The following ITSN1 variants were observed in gnomAD, a reference collection of about 807,000 sequenced individuals.
ITSN1 encodes intersectin 1, also known as intersectin-1.
ITSN1 carries 58 observed loss-of-function variants against 239.8 expected under a neutral mutation model. That is an observed-to-expected ratio of 0.24 (90% confidence interval 0.20 to 0.30). The LOEUF (loss-of-function observed/expected upper bound fraction) is 0.30. Among genes scored for constraint, ITSN1 ranks in the 10% least tolerant of loss-of-function variants. ITSN1 has a pLI of 1.00. For synonymous variants in ITSN1, 780 were observed against 770.8 expected, an observed-to-expected ratio of 1.01 and a Z score of -0.20; for missense variants, 1,558 against 2,103.3, an observed-to-expected ratio of 0.74 and a Z score of 5.07.
At chr21:33,705,747 A>G (rs1384412034) in intron 1 of ITSN1, among the ~76,000 whole-genome samples, 2 of 152,138 alleles carry the variant, frequency 1.3e-5, no homozygotes, top group Admixed American at 6.5e-5. Context: ...TGCTTAATCT[A>G]AAATATACTC....
Position 33,755,336 on chromosome 21 carries a change from A to G in ITSN1, c.663A>G (p.Ser221=). The G allele has an allele frequency of 6.2e-7, 1 of 1,611,802 alleles. No homozygotes were observed. Residue 221 remains serine (S), a synonymous_variant, in exon 8 of 40, where the codon TCA becomes TCG. Coordinates refer to ENST00000381318, the MANE Select transcript of ITSN1 (RefSeq NM_003024.3). ...PVAEWAVPQS[S]RLKYRQLFNS... ...CAGAGTGGGCTGTTCCTCAGTCATC[A>G]AGACTGAAATACAGGCAATTATTCA...
At position 33,882,021 on chromosome 21, in the gene ITSN1, G is replaced by A. The variant is rs982672538; in HGVS notation, c.4342-222G>A. 5.3e-5 allele frequency among the ~76,000 whole-genome samples: 8 copies of A among 151,134 alleles called. No homozygotes were observed. The highest frequency in any genetic ancestry group is 1.7e-4 in the African/African-American group (7 of 41,040). On this transcript the variant is annotated intron_variant, in intron 34 of 39. Coordinates refer to ENST00000381318, the MANE Select transcript of ITSN1 (RefSeq NM_003024.3). The surrounding 1 kb of genome is among the most constrained non-coding windows in gnomAD (Gnocchi z 4.5). ...ACACTGGCATGCTCCTAGAGGAAAA[G>A]CCTTAGAAATTACCATTGAGACTCT...
At chr21:33,658,625 G>C (rs1041392558) in intron 1 of ITSN1, among the ~76,000 whole-genome samples, 1 of 152,318 alleles carries the variant, frequency 6.6e-6, no homozygotes. Context: ...CTGGCTGCAT[G>C]ACTGTACCTA....
rs1170863122 is a variant in ITSN1, at chr21:33,751,889, G to A, written c.606G>A (p.Gln202=). ...SQLNTKLQKA[Q]SFDVASVPPV... The stretch of plus-strand genomic sequence containing the variant: ...TAAACACTAAATTACAAAAGGCACA[G>A]TCATTTGATGTGGCCAGGTAAGTTT... Residue 202 remains glutamine (Q), a synonymous_variant, in exon 7 of 40, where the codon CAG becomes CAA. Transcript: ENST00000381318. The A allele has an allele frequency of 5.0e-6, 8 of 1,612,458 alleles. No individual in the cohort carries two copies. The highest frequency in any genetic ancestry group is 6.8e-6 in the Non-Finnish European group (8 of 1,178,546).
intron 27 of ITSN1, among the ~76,000 whole-genome samples, chr21:33,832,334 T>C (rs1268673743): frequency 1.3e-5 from 2 of 152,168 alleles, no homozygotes; most frequent in African/African-American, 4.8e-5. Context: ...CCGGCACCAC[T>C]CTTTAGTATT....
rs895704042 is a variant in ITSN1 at position 33,899,701 on chromosome 21, AC to A, written c.*11403del. 6.6e-6 allele frequency: 1 copy of A among 152,190 alleles called. No homozygotes were observed. Among genetic ancestry groups the A allele is most frequent in the African/African-American group, 2.4e-5 (1 of 41,440 alleles). 9.4% of individuals were successfully genotyped at this position (152,190 alleles called of 1,614,324 possible). A position where few individuals can be genotyped will look rare whatever the true frequency, so the allele number is the denominator to read the frequency against. On this transcript the variant is annotated 3_prime_UTR_variant, in exon 40 of 40. Transcript: ENST00000381318. ...GATGGTAACTGAGACCTTTCTTTAA[AC>A]CAGTAGCAACATCAGTACAAATTGC...
chr21:33,818,193 G>T, intron 22 of ITSN1, 74 bp from the exon 23 acceptor site: 1 of 1,253,758 alleles, frequency 8.0e-7, no homozygotes, highest in Non-Finnish European at 1.2e-6. Flanking sequence ...TTGGAGAGGT[G>T]CCATGCTCAC....
intron 8 of ITSN1, 60 bp from the exon 9 acceptor site, chr21:33,761,863 C>G: frequency 8.1e-7 from 1 of 1,234,410 alleles, no homozygotes; most frequent in Non-Finnish European, 1.2e-6. Flanking sequence ...AACCCTGGTC[C>G]TCCTGTACAG....
In ITSN1 at chr21:33,700,992, T is replaced by G. The variant is rs944361568; in HGVS notation, c.-32-17805T>G. Among the ~76,000 whole-genome samples the G allele has an allele frequency of 1.6e-3, 247 of 150,172 alleles. 2 individuals carry two copies. Among genetic ancestry groups the G allele is most frequent in the African/African-American group, 5.9e-3 (242 of 40,914 alleles). ...GTGTGTGTGTGTGTGTGTGTGTGTT[T>G]TCTTATAGATGTGGTCTCACTCTGT... is the stretch of plus-strand genomic sequence containing the variant. On this transcript the variant is annotated intron_variant, in intron 1 of 39. Transcript: ENST00000381318.
intron 7 of ITSN1, among the ~76,000 whole-genome samples, chr21:33,754,905 T>A (rs921505215): frequency 6.6e-6 from 1 of 152,232 alleles, no homozygotes; most frequent in Non-Finnish European, 1.5e-5. Flanking sequence ...CAGTTATTGG[T>A]TTGCTTTTAG....
chr21:33,866,277 A>C (rs898583250), intron 32 of ITSN1, among the ~76,000 whole-genome samples: 2 of 152,212 alleles, frequency 1.3e-5, no homozygotes, highest in African/African-American at 4.8e-5. Context: ...CTCTGAGGTC[A>C]TTCCAAGGGG....
In ITSN1 at chr21:33,772,209, G is replaced by A. The variant is rs746052975; in HGVS notation, c.1191G>A (p.Glu397=). 1 of 1,613,524 alleles carries A rather than the reference G, an allele frequency of 6.2e-7. No homozygotes were observed. Among genetic ancestry groups the A allele is most frequent in the Non-Finnish European group, 8.5e-7 (1 of 1,179,680 alleles). Residue 397 remains glutamate, a synonymous_variant, in exon 12 of 40, where the codon GAG becomes GAA. Transcript: ENST00000381318. Reference sequence around the variant, plus strand: ...CGGAGCAGGAGAGGAAGGAGCGTGAGCGCCAGGAGCAAGAGCGCAAAAGAC... The same window carrying A: ...CGGAGCAGGAGAGGAAGGAGCGTGAACGCCAGGAGCAAGAGCGCAAAAGAC... The part of the protein sequence containing the change: ...ERAEQERKER[E]RQEQERKRQL...
At chr21:33,678,325 CCTTA>C (rs1244684062) in intron 1 of ITSN1, among the ~76,000 whole-genome samples, 1 of 152,196 alleles carries the variant, frequency 6.6e-6, no homozygotes, top group African/African-American at 2.4e-5. Flanking sequence ...ATCTTGTTAA[CCTTA>C]CTTATTTTCT....
intron 36 of ITSN1, among the ~76,000 whole-genome samples, chr21:33,884,225 T>C (rs1454773586): frequency 6.6e-6 from 1 of 152,128 alleles, no homozygotes; most frequent in African/African-American, 2.4e-5. Flanking sequence ...GTTGTTGTTG[T>C]TGTTGTTTTA....
chr21:33,849,664 T>C (rs2075097752), intron 29 of ITSN1, among the ~76,000 whole-genome samples: 1 of 151,834 alleles, frequency 6.6e-6, no homozygotes, highest in Non-Finnish European at 1.5e-5. Flanking sequence ...AACAGTGTAA[T>C]TGGATTGTTT....
Position 33,836,433 on chromosome 21 carries a change from T to A in ITSN1, c.3470-8T>A. The A allele has an allele frequency of 6.3e-7, 1 of 1,597,646 alleles. No homozygotes were observed. Among genetic ancestry groups the A allele is most frequent in the Non-Finnish European group, 8.5e-7 (1 of 1,169,770 alleles). On this transcript the variant is annotated splice_region_variant and splice_polypyrimidine_tract_variant and intron_variant, in intron 28 of 39. Coordinates refer to ENST00000381318, the MANE Select transcript of ITSN1 (RefSeq NM_003024.3). ...GTGCAGCCGCTCACCCAGCCCTGTC[T>A]CCTGCAGTGTGCCAGGTGATTGGGA...
intron 14 of ITSN1, among the ~76,000 whole-genome samples, chr21:33,777,210 C>G (rs574784691): frequency 6.6e-6 from 1 of 152,112 alleles, no homozygotes; most frequent in Admixed American, 6.6e-5. Flanking sequence ...TGTTATAGCA[C>G]CATTTATTAA....
chr21:33,846,676 G>A (rs2148447171), intron 29 of ITSN1, among the ~76,000 whole-genome samples: 1 of 152,312 alleles, frequency 6.6e-6, no homozygotes, highest in South Asian at 2.1e-4. Flanking sequence ...CCTTCTACCT[G>A]CCTGTTGTTC....
intron 1 of ITSN1, among the ~76,000 whole-genome samples, chr21:33,660,684 T>C (rs375364823): frequency 2.0e-5 from 3 of 152,348 alleles, no homozygotes; most frequent in African/African-American, 4.8e-5. Context: ...AGGAGTCTTT[T>C]AGTGGCATTT....
Sources: gnomAD v4.1 joint callset for allele counts (sites outside exome capture counted in the v4.1 genomes callset) on GRCh38, gnomAD v4.1.1 for gene constraint, Gnocchi (gnomAD v3.1) non-coding constraint, MANE v1.5 for transcripts, NCBI Gene and HGNC (gene_info 2026-07-23, HGNC 2026-07-21) for gene names.